PPARA: variants seen among roughly 807,000 people sequenced by gnomAD.
PPARA encodes the protein peroxisome proliferator-activated receptor alpha.
Under a neutral mutation model 42.2 loss-of-function variants are expected in PPARA, and 22 were observed. That is an observed-to-expected ratio of 0.52 (90% confidence interval 0.37 to 0.74). The LOEUF is 0.74. Ranked by LOEUF, PPARA falls within the 30% of genes least tolerant of loss-of-function variation. The probability of loss-of-function intolerance (pLI) is 0.00; values close to 1 mark genes in which losing one functional copy is unlikely to be tolerated. For missense variants in PPARA, 465 were observed against 608.2 expected (o/e 0.76, Z 2.48); for synonymous variants, 242 against 239.3 (o/e 1.01, Z -0.10).
In PPARA at chr22:46,204,524, A is replaced by T. The variant is rs545407376; in HGVS notation, c.208+5933A>T. ...TTCCAGTTCCTCCATACCCTCATCA[A>T]CATGAGGCATGATCAGTCTTTTTAA... On this transcript the variant is annotated intron_variant, in intron 4 of 8. Coordinates refer to ENST00000407236, the MANE Select transcript of PPARA (RefSeq NM_005036.6). This position sits in a 1 kb window ranked among gnomAD's most constrained non-coding sequence, Gnocchi z 5.2. Among the ~76,000 whole-genome samples the T allele has an allele frequency of 6.6e-6, 1 of 152,264 alleles. No individual in the cohort carries two copies. Among genetic ancestry groups the T allele is most frequent in the East Asian group, 1.9e-4 (1 of 5,184 alleles).
chr22:46,230,880 A>G lies in PPARA; in HGVS notation c.712-912A>G, dbSNP rs1935819633. 3.3e-5 allele frequency among the ~76,000 whole-genome samples: 5 copies of G among 152,362 alleles called. No individual in the cohort carries two copies. In the South Asian group the frequency reaches 1.0e-3, roughly 32 times the overall value. Reference sequence around the variant, plus strand: ...CCAAATGTATTCATTGAGCAGCGTTAAATAATGGTGTTCACCCCTAAAGTG... The same window carrying G: ...CCAAATGTATTCATTGAGCAGCGTTGAATAATGGTGTTCACCCCTAAAGTG... On this transcript the variant is annotated intron_variant, in intron 7 of 8. Transcript: ENST00000407236. The surrounding 1 kb of genome is among the most constrained non-coding windows in gnomAD (Gnocchi z 5.0).
At position 46,175,246 on chromosome 22, in the gene PPARA, G is replaced by A. The variant is rs1258937142; in HGVS notation, c.-126-1507G>A. On this transcript the variant is annotated intron_variant, in intron 2 of 8. Transcript: ENST00000407236. The stretch of plus-strand genomic sequence containing the variant: ...CCAAGGGTAACATCTTGCAAAGTGA[G>A]AGGACGATATCACAGTCAGGATACT... Among the ~76,000 whole-genome samples, 3 of 152,124 alleles carry A rather than the reference G, an allele frequency of 2.0e-5. No individual in the cohort carries two copies. The East Asian group carries it at 5.8e-4, about 29-fold the overall frequency.
chr22:46,220,254 G>A, intron 7 of PPARA: 1 of 558,810 alleles, frequency 1.8e-6, no homozygotes. Flanking sequence ...TACTGGCTAT[G>A]TAATTAATAC....
At chr22:46,217,106 G>C (rs920740970) in intron 5 of PPARA, among the ~76,000 whole-genome samples, 4 of 152,142 alleles carry the variant, frequency 2.6e-5, no homozygotes, top group Non-Finnish European at 5.9e-5. Context: ...GCACTCTGCT[G>C]TCTAGAAGCC....
chr22:46,236,045 G>A lies in PPARA; in HGVS notation c.*665G>A, dbSNP rs1026888927. 1.3e-5 allele frequency: 2 copies of A among 153,872 alleles called. No homozygotes were observed. The highest frequency in any genetic ancestry group is 2.9e-5 in the Non-Finnish European group (2 of 69,290). The allele number at this position is 153,872 out of a possible 1,614,324, so 9.5% of individuals were successfully genotyped here. A position where few individuals can be genotyped will look rare whatever the true frequency, so the allele number is the denominator to read the frequency against. ...GGGTGGATCACAAGGTCAGCAGATC[G>A]AGACCATCCTGGCCAACATGGTGAA... On this transcript the variant is annotated 3_prime_UTR_variant, in exon 9 of 9. Transcript: ENST00000407236. This position sits in a 1 kb window ranked among gnomAD's most constrained non-coding sequence, Gnocchi z 5.2.
rs1317135183 is a variant in PPARA, at chr22:46,212,122, C to T, written c.209-3051C>T. ...GGCTGGAGTACAGTGGCAGCATAAT[C>T]TCAGCTCACTGTAGCCTCAGCCTCC... On this transcript the variant is annotated intron_variant, in intron 4 of 8. Coordinates refer to ENST00000407236, the MANE Select transcript of PPARA (RefSeq NM_005036.6). This position sits in a 1 kb window ranked among gnomAD's most constrained non-coding sequence, Gnocchi z 4.2. 6.6e-6 allele frequency among the ~76,000 whole-genome samples: 1 copy of T among 152,144 alleles called. No individual in the cohort carries two copies. The highest frequency in any genetic ancestry group is 2.4e-5 in the African/African-American group (1 of 41,450).
At chr22:46,181,595 C>A (rs1047043071) in intron 3 of PPARA, among the ~76,000 whole-genome samples, 25 of 152,106 alleles carry the variant, frequency 1.6e-4, no homozygotes, top group Admixed American at 6.6e-5. Context: ...TTGTCCCCCC[C>A]AAAGATTGAG....
rs1302276943 is a variant in PPARA, at chr22:46,193,979, G to T, written c.-42-4363G>T. On this transcript the variant is annotated intron_variant, in intron 3 of 8. Transcript: ENST00000407236. This position sits in a 1 kb window ranked among gnomAD's most constrained non-coding sequence, Gnocchi z 5.3. ...GATTAGCTGGACAGCGGCATGTCATGTGGGTAATAGGAAGGGGTGGGGACT... is the reference window on the plus strand; with the variant it reads ...GATTAGCTGGACAGCGGCATGTCATTTGGGTAATAGGAAGGGGTGGGGACT... Among the ~76,000 whole-genome samples, 1 of 152,234 alleles carries T rather than the reference G, an allele frequency of 6.6e-6. No homozygotes were observed. Among genetic ancestry groups the T allele is most frequent in the Non-Finnish European group, 1.5e-5 (1 of 68,046 alleles).
chr22:46,172,008 G>A (rs556521293), intron 2 of PPARA, among the ~76,000 whole-genome samples: 5 of 152,268 alleles, frequency 3.3e-5, no homozygotes, highest in African/African-American at 7.2e-5. Context: ...GCTCCACCGC[G>A]TTGGGTGTAG....
In PPARA at chr22:46,231,956, G is replaced by A. The variant is rs763073521; in HGVS notation, c.876G>A (p.Lys292=). The A allele has an allele frequency of 6.2e-7, 1 of 1,614,232 alleles. No individual in the cohort carries two copies. The highest frequency in any genetic ancestry group is 1.1e-5 in the South Asian group (1 of 91,088). ...TCACGGAGCTCACGGAATTCGCCAAGGCCATCCCAGGCTTCGCAAACTTGG... is the reference window on the plus strand; with the variant it reads ...TCACGGAGCTCACGGAATTCGCCAAAGCCATCCCAGGCTTCGCAAACTTGG... The part of the protein sequence containing the change: ...ETVTELTEFA[K]AIPGFANLDL... Residue 292 remains lysine (K), a synonymous_variant, in exon 8 of 9, where the codon AAG becomes AAA. Coordinates refer to ENST00000407236, the MANE Select transcript of PPARA (RefSeq NM_005036.6). This position sits in a 1 kb window ranked among gnomAD's most constrained non-coding sequence, Gnocchi z 7.7.
Position 46,191,404 on chromosome 22 carries a change from C to T in PPARA, c.-42-6938C>T, listed in dbSNP as rs536384234. Among the ~76,000 whole-genome samples the T allele has an allele frequency of 7.2e-5, 11 of 152,050 alleles. No homozygotes were observed. Among genetic ancestry groups the T allele is most frequent in the African/African-American group, 1.7e-4 (7 of 41,478 alleles). ...CAAACCACTTCCTTTTATCACAGGA[C>T]GCTTCCCAAGCTCTGCAACTGTTGC... On this transcript the variant is annotated intron_variant, in intron 3 of 8. Transcript: ENST00000407236. This position sits in a 1 kb window ranked among gnomAD's most constrained non-coding sequence, Gnocchi z 4.6.
chr22:46,192,443 G>A lies in PPARA; in HGVS notation c.-42-5899G>A, dbSNP rs1316341602. 1.3e-5 allele frequency among the ~76,000 whole-genome samples: 2 copies of A among 152,182 alleles called. No individual in the cohort carries two copies. Among genetic ancestry groups the A allele is most frequent in the Admixed American group, 1.3e-4 (2 of 15,272 alleles). On this transcript the variant is annotated intron_variant, in intron 3 of 8. Coordinates refer to ENST00000407236, the MANE Select transcript of PPARA (RefSeq NM_005036.6). The surrounding 1 kb of genome is among the most constrained non-coding windows in gnomAD (Gnocchi z 4.3). ...GTGTTTGCACCTGCCCTGTGCTCGG[G>A]TAACATAAAACAGTGATATAATTTG... is the stretch of plus-strand genomic sequence containing the variant.
chr22:46,203,033 G>A lies in PPARA; in HGVS notation c.208+4442G>A, dbSNP rs371348558. Among the ~76,000 whole-genome samples the A allele has an allele frequency of 6.6e-6, 1 of 152,060 alleles. No homozygotes were observed. The highest frequency in any genetic ancestry group is 2.4e-5 in the African/African-American group (1 of 41,420). ...CACCCATCCCTGGTTTTGACCACCA[G>A]CCTTTAAAGTGGCAAGCGGGTGATA... On this transcript the variant is annotated intron_variant, in intron 4 of 8. Coordinates refer to ENST00000407236, the MANE Select transcript of PPARA (RefSeq NM_005036.6). This position sits in a 1 kb window ranked among gnomAD's most constrained non-coding sequence, Gnocchi z 5.8.
At chr22:46,175,518 C>G (rs1467489201) in intron 2 of PPARA, among the ~76,000 whole-genome samples, 3 of 152,016 alleles carry the variant, frequency 2.0e-5, no homozygotes, top group Admixed American at 6.6e-5. Context: ...TCGAGACCAT[C>G]CTGGCTAACA....
rs1930365924 is a variant in PPARA, at chr22:46,184,327, T to A, written c.-43+7491T>A. ...CATCATAAGAAACCATGTTCACCAA[T>A]AATTACCATAATAGGAGAGAAGTAC... On this transcript the variant is annotated intron_variant, in intron 3 of 8. Coordinates refer to ENST00000407236, the MANE Select transcript of PPARA (RefSeq NM_005036.6). This position sits in a 1 kb window ranked among gnomAD's most constrained non-coding sequence, Gnocchi z 4.4. Among the ~76,000 whole-genome samples the A allele has an allele frequency of 6.6e-6, 1 of 152,162 alleles. No individual in the cohort carries two copies. Among genetic ancestry groups the A allele is most frequent in the African/African-American group, 2.4e-5 (1 of 41,426 alleles).
rs1020381037 is a variant in PPARA, at chr22:46,195,722, T to C, written c.-42-2620T>C. Among the ~76,000 whole-genome samples the C allele has an allele frequency of 6.6e-6, 1 of 152,208 alleles. No individual in the cohort carries two copies. Among genetic ancestry groups the C allele is most frequent in the Non-Finnish European group, 1.5e-5 (1 of 68,042 alleles). On this transcript the variant is annotated intron_variant, in intron 3 of 8. Coordinates refer to ENST00000407236, the MANE Select transcript of PPARA (RefSeq NM_005036.6). This position sits in a 1 kb window ranked among gnomAD's most constrained non-coding sequence, Gnocchi z 4.6. ...ATATTTGCTTTGGGACGGTATTCTT[T>C]ACTCTATCTGGAGAGTCTGGCGTTC...
At position 46,234,901 on chromosome 22, in the gene PPARA, G is replaced by A. The variant is rs774431125; in HGVS notation, c.1160-232G>A. ...AAGGTGTACTTAGGGCACTATTGCC[G>A]CCTAGTAGTATGAATATTTAGGAAA... On this transcript the variant is annotated intron_variant, in intron 8 of 8. Transcript: ENST00000407236. This position sits in a 1 kb window ranked among gnomAD's most constrained non-coding sequence, Gnocchi z 5.8. Among the ~76,000 whole-genome samples the A allele has an allele frequency of 2.6e-5, 4 of 152,156 alleles. No individual in the cohort carries two copies. Among genetic ancestry groups the A allele is most frequent in the Non-Finnish European group, 5.9e-5 (4 of 68,030 alleles).
chr22:46,221,173 C>T lies in PPARA; in HGVS notation c.711+1159C>T, dbSNP rs1364875000. ...ATGGCAGGAGCAAAAACAAGAGACA[C>T]ACACTTTTCACCCATCAGATCTTGT... On this transcript the variant is annotated intron_variant, in intron 7 of 8. Transcript: ENST00000407236. This position sits in a 1 kb window ranked among gnomAD's most constrained non-coding sequence, Gnocchi z 5.9. Among the ~76,000 whole-genome samples the T allele has an allele frequency of 1.3e-5, 2 of 152,204 alleles. No individual in the cohort carries two copies. Among genetic ancestry groups the T allele is most frequent in the Admixed American group, 6.5e-5 (1 of 15,282 alleles).
In PPARA at chr22:46,216,863, G is replaced by C. The variant is rs553448037; in HGVS notation, c.370-1400G>C. Among the ~76,000 whole-genome samples the C allele has an allele frequency of 6.6e-6, 1 of 152,198 alleles. No homozygotes were observed. Among genetic ancestry groups the C allele is most frequent in the Non-Finnish European group, 1.5e-5 (1 of 68,044 alleles). ...AGCGTCCCTTTAGGGTTGCACAGAC[G>C]TGCTCAAGTCTGGCGCCTTATGTAC... On this transcript the variant is annotated intron_variant, in intron 5 of 8. Coordinates refer to ENST00000407236, the MANE Select transcript of PPARA (RefSeq NM_005036.6). The surrounding 1 kb of genome is among the most constrained non-coding windows in gnomAD (Gnocchi z 4.5).
Sources: gnomAD v4.1 joint callset for allele counts (sites outside exome capture counted in the v4.1 genomes callset) on GRCh38, gnomAD v4.1.1 for gene constraint, Gnocchi (gnomAD v3.1) non-coding constraint, MANE v1.5 for transcripts, NCBI Gene and HGNC (gene_info 2026-07-23, HGNC 2026-07-21) for gene names.